Variants in CARF observed in about 807,000 individuals in gnomAD.
CARF encodes the protein calcium-responsive transcription factor.
Under a neutral mutation model 82.0 loss-of-function variants are expected in CARF, and 57 were observed. The ratio of observed to expected loss-of-function variants is 0.70; its 90% CI spans 0.56 to 0.87. The LOEUF (loss-of-function observed/expected upper bound fraction) is 0.87, where lower values mean the gene tolerates loss of function less well. Ranked by LOEUF, CARF falls within the 40% of genes least tolerant of loss-of-function variation. CARF has a pLI of 0.00. For missense variants in CARF, 771 were observed against 855.8 expected, an observed-to-expected ratio of 0.90 and a Z score of 1.24; for synonymous variants, 268 against 290.1, an observed-to-expected ratio of 0.92 and a Z score of 0.77.
At chr2:202,949,065 G>A (rs1419974297) in intron 5 of CARF, among the ~76,000 whole-genome samples, 1 of 152,070 alleles carries the variant, frequency 6.6e-6, no homozygotes, top group East Asian at 1.9e-4. Flanking sequence ...GCTGGGCCTG[G>A]TGGCTTACGC....
chr2:202,974,648 C>G, intron 13 of CARF, 152 bp downstream of exon 13: 1 of 682,022 alleles, frequency 1.5e-6, no homozygotes, highest in South Asian at 2.2e-5. Context: ...CCTGTAATCC[C>G]AACACTTTGG....
At chr2:202,920,298 G>C (rs932745323) in intron 2 of CARF, among the ~76,000 whole-genome samples, 1 of 151,896 alleles carries the variant, frequency 6.6e-6, no homozygotes, top group African/African-American at 2.4e-5. Context: ...GACTACAGGC[G>C]CCCACCATCA....
At chr2:202,969,795 A>G (rs1299380280) in intron 10 of CARF, 124 bp from the exon 11 acceptor site, 2 of 559,614 alleles carry the variant, frequency 3.6e-6, no homozygotes, top group African/African-American at 2.0e-5. Context: ...AAGCCTCTGA[A>G]TACTTTACAG....
intron 5 of CARF, among the ~76,000 whole-genome samples, chr2:202,943,249 T>A (rs1228390952): frequency 6.6e-6 from 1 of 152,074 alleles, no homozygotes; most frequent in Admixed American, 6.5e-5. Flanking sequence ...TTTTTTTGTA[T>A]TTTTAATAGA....
intron 3 of CARF, among the ~76,000 whole-genome samples, chr2:202,927,125 T>A (rs1691987800): frequency 6.6e-6 from 1 of 151,986 alleles, no homozygotes; most frequent in Non-Finnish European, 1.5e-5. Flanking sequence ...TTATTTGTGC[T>A]TTTTTTTCTT....
chr2:202,943,587 TACACACACACACAC>T (rs754214990), intron 5 of CARF, among the ~76,000 whole-genome samples: 23 of 115,160 alleles, frequency 2.0e-4, no homozygotes, highest in South Asian at 3.8e-4. Context: ...TAATGGAATG[TACACACACACACAC>T]ACACACACAC....
At chr2:202,974,675 G>GA (rs2105923772) in intron 13 of CARF, among the ~76,000 whole-genome samples, 179 bp downstream of exon 13, 1 of 152,228 alleles carries the variant, frequency 6.6e-6, no homozygotes. Context: ...GAGACGGGTG[G>GA]ATCACCTGCG....
intron 3 of CARF, among the ~76,000 whole-genome samples, chr2:202,930,219 T>C (rs1024797885): frequency 1.3e-5 from 2 of 152,190 alleles, no homozygotes; most frequent in African/African-American, 4.8e-5. Context: ...GCCTAATTTT[T>C]GTATTTTTAG....
chr2:202,977,229 A>G, intron 13 of CARF, 40 bp from the exon 14 acceptor site: 1 of 1,444,814 alleles, frequency 6.9e-7, no homozygotes, highest in Non-Finnish European at 9.6e-7. Flanking sequence ...TTTTCAATAT[A>G]AGAGCTTTAT....
chr2:202,919,685 A>G (rs934539269), intron 2 of CARF, among the ~76,000 whole-genome samples: 2 of 152,226 alleles, frequency 1.3e-5, no homozygotes, highest in African/African-American at 4.8e-5. Context: ...ACCTATCCAG[A>G]AAAAGATTTA....
chr2:202,926,140 C>A (rs1232806563), intron 3 of CARF, among the ~76,000 whole-genome samples: 1 of 152,134 alleles, frequency 6.6e-6, no homozygotes, highest in Non-Finnish European at 1.5e-5. Flanking sequence ...CTCCTCTGGC[C>A]GACCAGAGCC....
intron 1 of CARF, among the ~76,000 whole-genome samples, chr2:202,917,084 G>A (rs923394769): frequency 1.3e-4 from 19 of 150,764 alleles, no homozygotes; most frequent in African/African-American, 4.4e-4. Context: ...AGTGGCGGGC[G>A]CCTGTAGTCC....
At chr2:202,956,999 G>A (rs900916661) in intron 8 of CARF, among the ~76,000 whole-genome samples, 5 of 152,090 alleles carry the variant, frequency 3.3e-5, no homozygotes, top group Admixed American at 6.6e-5. Context: ...ATGTTTGTCA[G>A]GCTGGTCTCG....
chr2:202,921,879 G>T (rs536738680), intron 2 of CARF, among the ~76,000 whole-genome samples: 14 of 151,950 alleles, frequency 9.2e-5, no homozygotes, highest in Admixed American at 3.9e-4. Flanking sequence ...AGGCTGGAGT[G>T]CAGTGGCATG....
chr2:202,932,876 C>T (rs1693200139), intron 3 of CARF, among the ~76,000 whole-genome samples: 1 of 152,040 alleles, frequency 6.6e-6, no homozygotes, highest in Non-Finnish European at 1.5e-5. Flanking sequence ...GCTGTGTTTC[C>T]CTAGGACACA....
In CARF at chr2:202,986,355, A is replaced by T. The variant is rs997379538; in HGVS notation, c.*2731A>T. 7 of 152,124 alleles carry T rather than the reference A, an allele frequency of 4.6e-5. No homozygotes were observed. The highest frequency in any genetic ancestry group is 7.4e-5 in the Non-Finnish European group (5 of 67,974). 9.4% of individuals were successfully genotyped at this position (152,124 alleles called of 1,614,324 possible). ...CAAGCTTCTAAAATTTTCAGTATCTATATTGGCTTTCTCTAACAGCTCTAC... is the reference window on the plus strand; with the variant it reads ...CAAGCTTCTAAAATTTTCAGTATCTTTATTGGCTTTCTCTAACAGCTCTAC... On this transcript the variant is annotated 3_prime_UTR_variant, in exon 17 of 17. Coordinates refer to ENST00000438828, the MANE Select transcript of CARF (RefSeq NM_024744.17).
At chr2:202,925,914 G>A (rs544275517) in intron 3 of CARF, 63 of 163,048 alleles carry the variant, frequency 3.9e-4, no homozygotes, top group South Asian at 1.8e-3. Context: ...GGCTGAGCTC[G>A]GCCTGCGAAG....
At chr2:202,925,183 A>C in intron 3 of CARF, 1 of 326,942 alleles carries the variant, frequency 3.1e-6, no homozygotes, top group East Asian at 7.9e-5. Context: ...TGAAGTTTAA[A>C]TAACCAAGCC....
chr2:202,957,417 A>C (rs1002222183), intron 8 of CARF, among the ~76,000 whole-genome samples: 1 of 152,094 alleles, frequency 6.6e-6, no homozygotes, highest in Non-Finnish European at 1.5e-5. Context: ...ACTCATCTTC[A>C]TTCTTGCTAG....
Sources: allele counts gnomAD v4.1 joint callset (sites outside exome capture counted in the v4.1 genomes callset), GRCh38; gene constraint gnomAD v4.1.1; transcripts MANE v1.5; gene names NCBI Gene and HGNC (gene_info 2026-07-23, HGNC 2026-07-21).